The following SNTB1 variants were observed in gnomAD, a reference collection of about 807,000 sequenced individuals.
SNTB1 encodes syntrophin beta 1.
Under a neutral mutation model 48.9 loss-of-function variants are expected in SNTB1, and 36 were observed. The ratio of observed to expected loss-of-function variants is 0.74; its 90% CI spans 0.56 to 0.97. The LOEUF is 0.97. Ranked by LOEUF, SNTB1 falls within the 50% of genes least tolerant of loss-of-function variation. The pLI is 0.00. For synonymous variants in SNTB1, 299 were observed against 294.6 expected, an observed-to-expected ratio of 1.01 and a Z score of -0.15; for missense variants, 786 against 703.4, an observed-to-expected ratio of 1.12 and a Z score of -1.33.
At chr8:120,701,127 A>G (rs1818303476) in intron 1 of SNTB1, among the ~76,000 whole-genome samples, 1 of 152,218 alleles carries the variant, frequency 6.6e-6, no homozygotes, top group Admixed American at 6.5e-5. Flanking sequence ...TTTACCCTCA[A>G]TGGCATTTTC....
chr8:120,693,294 C>CTATA (rs1183138478), intron 2 of SNTB1, among the ~76,000 whole-genome samples: 1 of 152,112 alleles, frequency 6.6e-6, no homozygotes, highest in Non-Finnish European at 1.5e-5. Context: ...AACATCCTAA[C>CTATA]TATATCACAT....
rs899828323 is a variant in SNTB1, at chr8:120,786,159, C to T, written c.571+25114G>A. 6.6e-5 allele frequency among the ~76,000 whole-genome samples: 10 copies of T among 152,172 alleles called. 1 individual carries two copies. Among genetic ancestry groups the T allele is most frequent in the South Asian group, 4.1e-4 (2 of 4,826 alleles). On this transcript the variant is annotated intron_variant, in intron 1 of 6. Transcript: ENST00000517992. ...TATTCCCCAGCAACAGTCTGGGGTG[C>T]GGAAGCCCCACTGGGTGGCTAGACT...
intron 2 of SNTB1, among the ~76,000 whole-genome samples, chr8:120,650,842 T>C (rs941584298): frequency 6.6e-6 from 1 of 152,214 alleles, no homozygotes; most frequent in Non-Finnish European, 1.5e-5. Context: ...TTCTCACCAA[T>C]TGAAAAGATG....
At chr8:120,705,527 C>G (rs1376794626) in intron 1 of SNTB1, among the ~76,000 whole-genome samples, 2 of 152,166 alleles carry the variant, frequency 1.3e-5, no homozygotes, top group African/African-American at 2.4e-5. Context: ...TAAGAAAAGA[C>G]TGGGAGGTGG....
In SNTB1 at chr8:120,682,963, C is replaced by G. The variant is rs1381579218; in HGVS notation, c.788+10729G>C. ...GTGGCGCTATCTCGGCTCACTGCAA[C>G]CTCCGCCTCCTGGGTTCACGCCATT... On this transcript the variant is annotated intron_variant, in intron 2 of 6. Transcript: ENST00000517992. Among the ~76,000 whole-genome samples, 11 of 146,946 alleles carry G rather than the reference C, an allele frequency of 7.5e-5. No homozygotes were observed. The South Asian group carries it at 8.6e-4, about 11-fold the overall frequency.
intron 3 of SNTB1, among the ~76,000 whole-genome samples, chr8:120,596,181 T>TAAGCTA (rs1816321400): frequency 6.6e-6 from 1 of 152,196 alleles, no homozygotes; most frequent in Non-Finnish European, 1.5e-5. Flanking sequence ...CTATGCCTTT[T>TAAGCTA]AAGCTAAAAA....
At chr8:120,691,905 C>T (rs1413277531) in intron 2 of SNTB1, among the ~76,000 whole-genome samples, 1 of 152,130 alleles carries the variant, frequency 6.6e-6, no homozygotes, top group Non-Finnish European at 1.5e-5. Context: ...GGAGATGGGA[C>T]TTGTTTGATT....
chr8:120,561,749 C>A lies in SNTB1; in HGVS notation c.1137-12791G>T, dbSNP rs566018247. On this transcript the variant is annotated intron_variant, in intron 4 of 6. Transcript: ENST00000517992. The stretch of plus-strand genomic sequence containing the variant: ...GAAAATTGAAACCATGAACAAATAA[C>A]CTGAACAATCAGCTCTTATAACACT... Among the ~76,000 whole-genome samples the A allele has an allele frequency of 9.0e-4, 137 of 152,260 alleles. 1 individual carries two copies. Among genetic ancestry groups the A allele is most frequent in the African/African-American group, 3.0e-3 (126 of 41,528 alleles).
At chr8:120,637,267 C>A in intron 2 of SNTB1, 1 of 345,506 alleles carries the variant, frequency 2.9e-6, no homozygotes, top group South Asian at 3.5e-5. Flanking sequence ...TGCTGCTGAC[C>A]AAAAGCCCAG....
At chr8:120,784,033 G>C (rs1324933319) in intron 1 of SNTB1, among the ~76,000 whole-genome samples, 1 of 151,808 alleles carries the variant, frequency 6.6e-6, no homozygotes, top group Non-Finnish European at 1.5e-5. Flanking sequence ...TTGCTCTGTT[G>C]CCCAGGCTGG....
chr8:120,741,541 G>A (rs1035970739), intron 1 of SNTB1, among the ~76,000 whole-genome samples: 7 of 152,134 alleles, frequency 4.6e-5, no homozygotes, highest in African/African-American at 1.4e-4. Context: ...CTTGGGAGGC[G>A]GAGGTTGCAG....
At chr8:120,683,145 T>G (rs910428894) in intron 2 of SNTB1, among the ~76,000 whole-genome samples, 3 of 152,124 alleles carry the variant, frequency 2.0e-5, no homozygotes, top group Non-Finnish European at 4.4e-5. Context: ...CCTCCCAAAG[T>G]GCTGGGATTA....
intron 3 of SNTB1, among the ~76,000 whole-genome samples, chr8:120,623,293 C>G (rs1816822212): frequency 6.6e-6 from 1 of 152,166 alleles, no homozygotes; most frequent in Non-Finnish European, 1.5e-5. Context: ...ATATTTGAGC[C>G]TCACATGTTT....
At chr8:120,715,321 G>T (rs1818536789) in intron 1 of SNTB1, among the ~76,000 whole-genome samples, 1 of 152,154 alleles carries the variant, frequency 6.6e-6, no homozygotes, top group Admixed American at 6.5e-5. Flanking sequence ...GCCTACCTGT[G>T]AATGAAGGAT....
chr8:120,791,107 T>G (rs527720252), intron 1 of SNTB1, among the ~76,000 whole-genome samples: 2 of 151,820 alleles, frequency 1.3e-5, no homozygotes, highest in Non-Finnish European at 2.9e-5. Context: ...GGTATGAAAG[T>G]AGACACATAG....
intron 2 of SNTB1, among the ~76,000 whole-genome samples, chr8:120,663,024 TG>T (rs1446917378): frequency 4.0e-4 from 21 of 52,014 alleles, no homozygotes; most frequent in African/African-American, 1.0e-3. Flanking sequence ...GGGGGGCTGG[TG>T]GGGGGGGTAT....
Position 120,587,423 on chromosome 8 carries a change from T to C in SNTB1, c.997-12198A>G, listed in dbSNP as rs1204450656. On this transcript the variant is annotated intron_variant, in intron 3 of 6. Coordinates refer to ENST00000517992, the MANE Select transcript of SNTB1 (RefSeq NM_021021.4). ...CCCCAACCCACTACCCATTCCCCAC[T>C]CCTTTACTAATTCCTTCTAGTTTTG... Among the ~76,000 whole-genome samples the C allele has an allele frequency of 3.3e-5, 5 of 152,324 alleles. No individual in the cohort carries two copies. The East Asian group carries it at 9.6e-4, about 29-fold the overall frequency.
At chr8:120,810,703 A>G (rs900996969) in intron 1 of SNTB1, among the ~76,000 whole-genome samples, 2 of 152,064 alleles carry the variant, frequency 1.3e-5, no homozygotes, top group East Asian at 3.9e-4. Context: ...TTGCAGGGGG[A>G]ACGTCCAGAA....
chr8:120,542,502 ATAT>A (rs1586985388), intron 5 of SNTB1, among the ~76,000 whole-genome samples: 1 of 152,248 alleles, frequency 6.6e-6, no homozygotes, highest in East Asian at 1.9e-4. Flanking sequence ...AAAAATACAA[ATAT>A]TAGCCAGACA....
Sources: gnomAD v4.1 joint callset for allele counts (sites outside exome capture counted in the v4.1 genomes callset) on GRCh38, gnomAD v4.1.1 for gene constraint, MANE v1.5 for transcripts, NCBI Gene and HGNC (gene_info 2026-07-23, HGNC 2026-07-21) for gene names.